The following HBP1 variants were observed in gnomAD, a reference collection of about 807,000 sequenced individuals.
HBP1 encodes the protein HMG-box transcription factor 1.
A neutral mutation model predicts 62.6 loss-of-function variants in HBP1; 20 were observed. That is an observed-to-expected ratio of 0.32 (90% confidence interval 0.22 to 0.46). HBP1 has a LOEUF of 0.46. HBP1 is among the 20% of genes least tolerant of loss of function. The pLI, the probability that HBP1 is intolerant of heterozygous loss-of-function variation, is 1.00. For missense variants in HBP1, 480 were observed against 611.8 expected (o/e 0.78, Z 2.27); for synonymous variants, 232 against 206.2 (o/e 1.12, Z -1.07).
chr7:107,178,083 CT>C (rs2115825796), intron 1 of HBP1, among the ~76,000 whole-genome samples: 1 of 152,226 alleles, frequency 6.6e-6, no homozygotes, highest in East Asian at 1.9e-4. Flanking sequence ...CTTTCAGTGA[CT>C]TTTAACAGCA....
rs1341808362 is a variant in HBP1, at chr7:107,185,960, G to A, written c.540+18G>A. 1.9e-6 allele frequency: 3 copies of A among 1,595,118 alleles called. No homozygotes were observed. Among genetic ancestry groups the A allele is most frequent in the East Asian group, 4.5e-5 (2 of 44,746 alleles). On this transcript the variant is annotated intron_variant, in intron 4 of 10. Coordinates refer to ENST00000222574, the MANE Select transcript of HBP1 (RefSeq NM_012257.4). Reference sequence around the variant, plus strand: ...ACGAAAGGGTAAGTTTATTTATGAGGTTAAACTTTTACAAAGTTTGTACAA... The same window carrying A: ...ACGAAAGGGTAAGTTTATTTATGAGATTAAACTTTTACAAAGTTTGTACAA...
At chr7:107,194,790 A>G (rs1410997778) in intron 8 of HBP1, among the ~76,000 whole-genome samples, 3 of 152,360 alleles carry the variant, frequency 2.0e-5, no homozygotes, top group South Asian at 2.1e-4. Flanking sequence ...AGAAGATAGA[A>G]AAGTACTATA....
chr7:107,170,460 AGT>A (rs1279835742), intron 1 of HBP1, among the ~76,000 whole-genome samples: 1 of 151,976 alleles, frequency 6.6e-6, no homozygotes, highest in East Asian at 1.9e-4. Context: ...CTTGCAAATG[AGT>A]GTGGTAGAGT....
At chr7:107,196,362 AG>A in intron 9 of HBP1, 1 of 560,000 alleles carries the variant, frequency 1.8e-6, no homozygotes, top group Non-Finnish European at 3.3e-6. Flanking sequence ...TCCGCCTTCC[AG>A]GTTCAAGTGA....
chr7:107,197,393 C>T (rs984091494), intron 9 of HBP1, among the ~76,000 whole-genome samples: 7 of 152,194 alleles, frequency 4.6e-5, no homozygotes, highest in East Asian at 1.9e-4. Flanking sequence ...TTGTTTGAGG[C>T]GGAGTCTCAC....
chr7:107,176,748 G>T (rs1796870759), intron 1 of HBP1, among the ~76,000 whole-genome samples: 1 of 143,992 alleles, frequency 6.9e-6, no homozygotes. Flanking sequence ...TTAAAATCGT[G>T]ATTTCATACT....
intron 8 of HBP1, among the ~76,000 whole-genome samples, chr7:107,191,403 G>A (rs1489089350): frequency 6.6e-6 from 1 of 152,154 alleles, no homozygotes; most frequent in Non-Finnish European, 1.5e-5. Context: ...ATGTTTTGGT[G>A]AGACTGTAAC....
rs1796413171 is a variant in HBP1, at chr7:107,169,064, C to T, written c.-137C>T. ...AGTTTCGGTTGAGGAGTAAGAGCTGCCGCGGGAGCAGTAACCCGCGCGGGG... is the reference window on the plus strand; with the variant it reads ...AGTTTCGGTTGAGGAGTAAGAGCTGTCGCGGGAGCAGTAACCCGCGCGGGG... On this transcript the variant is annotated 5_prime_UTR_variant, in exon 1 of 11. Coordinates refer to ENST00000222574, the MANE Select transcript of HBP1 (RefSeq NM_012257.4). 1.8e-5 allele frequency: 23 copies of T among 1,288,056 alleles called. No individual in the cohort carries two copies. Among genetic ancestry groups the T allele is most frequent in the Non-Finnish European group, 2.3e-5 (23 of 987,940 alleles). The allele number at this position is 1,288,056 out of a possible 1,614,324, so 79.8% of individuals were successfully genotyped here. A position where few individuals can be genotyped will look rare whatever the true frequency, so the allele number is the denominator to read the frequency against.
chr7:107,177,642 TTAACCA>T (rs2115821891), intron 1 of HBP1, among the ~76,000 whole-genome samples: 1 of 152,320 alleles, frequency 6.6e-6, no homozygotes, highest in South Asian at 2.1e-4. Flanking sequence ...TGATGTATAT[TTAACCA>T]TTTAGAGCTT....
intron 9 of HBP1, among the ~76,000 whole-genome samples, chr7:107,198,140 C>T (rs751672217): frequency 6.6e-6 from 1 of 151,896 alleles, no homozygotes; most frequent in Non-Finnish European, 1.5e-5. Flanking sequence ...CTCATTTTAT[C>T]TTTAGATGTT....
In HBP1 at chr7:107,169,112, G is replaced by A; in HGVS notation, c.-89G>A. The A allele has an allele frequency of 1.6e-6, 2 of 1,275,312 alleles. No individual in the cohort carries two copies. Among genetic ancestry groups the A allele is most frequent in the South Asian group, 2.5e-5 (2 of 79,312 alleles). 79.0% of individuals were successfully genotyped at this position (1,275,312 alleles called of 1,614,324 possible). A position where few individuals can be genotyped will look rare whatever the true frequency, so the allele number is the denominator to read the frequency against. On this transcript the variant is annotated 5_prime_UTR_variant, in exon 1 of 11. Coordinates refer to ENST00000222574, the MANE Select transcript of HBP1 (RefSeq NM_012257.4). ...GGGGAGGCCGACGTCGGTCGGAGAG[G>A]GGGTACGAGAGCTGCTGGTGGTGTT...
At chr7:107,170,799 T>C (rs1366038090) in intron 1 of HBP1, among the ~76,000 whole-genome samples, 1 of 151,502 alleles carries the variant, frequency 6.6e-6, no homozygotes, top group African/African-American at 2.4e-5. Flanking sequence ...GTTAAAAGGG[T>C]ACCTTCTCCC....
chr7:107,198,458 C>T (rs1798036548), intron 9 of HBP1, among the ~76,000 whole-genome samples: 1 of 152,128 alleles, frequency 6.6e-6, no homozygotes, highest in Non-Finnish European at 1.5e-5. Context: ...GATCTGCCCA[C>T]CTCTGCCTCC....
chr7:107,187,532 G>A (rs888898170), intron 6 of HBP1, among the ~76,000 whole-genome samples: 2 of 152,168 alleles, frequency 1.3e-5, no homozygotes, highest in African/African-American at 4.8e-5. Context: ...CATGTGAAGT[G>A]TGCTTGTACA....
At chr7:107,169,705 G>A (rs189436331) in intron 1 of HBP1, 2 of 981,672 alleles carry the variant, frequency 2.0e-6, no homozygotes, top group African/African-American at 1.7e-5. Context: ...TGGGCCCCGG[G>A]GCTCATTGTT....
intron 1 of HBP1, 108 bp from the exon 2 acceptor site, chr7:107,179,771 C>CAAA: frequency 6.7e-6 from 4 of 595,086 alleles, no homozygotes; most frequent in Non-Finnish European, 1.1e-5. Flanking sequence ...GACTATGTCT[C>CAAA]AAAAAAAAAA....
At position 107,190,231 on chromosome 7, in the gene HBP1, A is replaced by G. The variant is rs1306515076; in HGVS notation, c.981A>G (p.Glu327=). 1 of 1,611,604 alleles carries G rather than the reference A, an allele frequency of 6.2e-7. No homozygotes were observed. The highest frequency in any genetic ancestry group is 8.5e-7 in the Non-Finnish European group (1 of 1,177,928). ...TVVQHGIPCC[E]VHIGDVCLPP... ...TACAGCATGGCATTCCATGTTGTGA[A>G]GTTCATATTGGCGATGTATGTCTAC... The change falls in exon 8 of 11, where the codon GAA becomes GAG. Residue 327 remains glutamate (E), a synonymous_variant. Coordinates refer to ENST00000222574, the MANE Select transcript of HBP1 (RefSeq NM_012257.4).
intron 6 of HBP1, among the ~76,000 whole-genome samples, chr7:107,188,959 A>G (rs1272523511): frequency 3.3e-5 from 5 of 152,166 alleles, no homozygotes; most frequent in Non-Finnish European, 7.3e-5. Context: ...GTTAATTACA[A>G]ATTTCTTGGT....
chr7:107,194,095 A>T (rs1244859040), intron 8 of HBP1, among the ~76,000 whole-genome samples: 2 of 152,168 alleles, frequency 1.3e-5, no homozygotes, highest in East Asian at 3.9e-4. Context: ...ATGCTTACCT[A>T]AGGTAGTATA....
Sources: allele counts gnomAD v4.1 joint callset (sites outside exome capture counted in the v4.1 genomes callset), GRCh38; gene constraint gnomAD v4.1.1; transcripts MANE v1.5; gene names NCBI Gene and HGNC (gene_info 2026-07-23, HGNC 2026-07-21).